The following KCNIP4 variants were observed in gnomAD, a reference collection of about 807,000 sequenced individuals.
KCNIP4 encodes potassium voltage-gated channel interacting protein 4, also known as Kv channel-interacting protein 4.
KCNIP4 carries 12 observed loss-of-function variants against 34.0 expected under a neutral mutation model. The observed-to-expected ratio is 0.35, with a 90% CI of 0.23 to 0.57. The LOEUF is 0.57. Among genes scored for constraint, KCNIP4 ranks in the 20% least tolerant of loss-of-function variants. The pLI, the probability that KCNIP4 is intolerant of heterozygous loss-of-function variation, is 0.83. For synonymous variants in KCNIP4, 124 were observed against 102.2 expected (o/e 1.21, Z -1.29); for missense variants, 238 against 311.7 (o/e 0.76, Z 1.78).
chr4:21,695,113 T>G (rs960521010), intron 1 of KCNIP4, among the ~76,000 whole-genome samples: 1 of 152,102 alleles, frequency 6.6e-6, no homozygotes, highest in Non-Finnish European at 1.5e-5. Flanking sequence ...CAACTCTGTT[T>G]CCTACTTCTT....
At chr4:20,764,709 A>ACACAC (rs1553892155) in intron 3 of KCNIP4, among the ~76,000 whole-genome samples, 8 of 92,528 alleles carry the variant, frequency 8.6e-5, no homozygotes, top group Non-Finnish European at 1.3e-4. Flanking sequence ...CACACACACA[A>ACACAC]CCCCATGAAC....
intron 1 of KCNIP4, among the ~76,000 whole-genome samples, chr4:21,765,063 A>G (rs1351471855): frequency 6.6e-6 from 1 of 152,036 alleles, no homozygotes; most frequent in Non-Finnish European, 1.5e-5. Flanking sequence ...GGGAGTATAC[A>G]CTGTGGCTAC....
At chr4:20,887,468 T>C (rs1725435318) in intron 1 of KCNIP4, among the ~76,000 whole-genome samples, 1 of 150,852 alleles carries the variant, frequency 6.6e-6, no homozygotes, top group African/African-American at 2.4e-5. Flanking sequence ...ATGCTGAAAA[T>C]CAAAAATGAA....
chr4:20,917,372 G>A (rs183822265), intron 1 of KCNIP4, among the ~76,000 whole-genome samples: 1 of 151,628 alleles, frequency 6.6e-6, no homozygotes, highest in East Asian at 2.0e-4. Flanking sequence ...CTCTTTTCCC[G>A]ACAGGGGTCA....
At chr4:20,982,926 G>A (rs1034340044) in intron 1 of KCNIP4, among the ~76,000 whole-genome samples, 2 of 152,156 alleles carry the variant, frequency 1.3e-5, no homozygotes, top group Non-Finnish European at 2.9e-5. Context: ...GTATCTCATG[G>A]ACGTCATTCT....
intron 1 of KCNIP4, among the ~76,000 whole-genome samples, chr4:20,965,097 T>G (rs1393550122): frequency 2.2e-4 from 33 of 152,184 alleles, no homozygotes; most frequent in Admixed American, 2.1e-3. Context: ...GGGATTTGCC[T>G]CTATTCTTTC....
chr4:20,731,421 T>G, intron 8 of KCNIP4: 3 of 985,348 alleles, frequency 3.0e-6, no homozygotes, highest in Non-Finnish European at 3.6e-6. Flanking sequence ...GTCAAATAAT[T>G]CTAAGTAAGC....
intron 1 of KCNIP4, among the ~76,000 whole-genome samples, chr4:21,266,294 T>G (rs1034377465): frequency 2.6e-5 from 4 of 152,208 alleles, no homozygotes; most frequent in African/African-American, 9.6e-5. Flanking sequence ...ATAGTCATTT[T>G]TGCACAAATT....
intron 1 of KCNIP4, among the ~76,000 whole-genome samples, chr4:21,218,741 T>C (rs1388705244): frequency 2.6e-5 from 4 of 152,206 alleles, no homozygotes; most frequent in Admixed American, 2.6e-4. Flanking sequence ...TGCAAAGCTA[T>C]GGGCTCATCC....
chr4:20,980,061 T>G (rs1315009946), intron 1 of KCNIP4, among the ~76,000 whole-genome samples: 3 of 152,166 alleles, frequency 2.0e-5, no homozygotes, highest in African/African-American at 7.2e-5. Flanking sequence ...TACGACTAGT[T>G]TTTCTTCTCC....
chr4:21,182,411 T>TTCCCTCCC (rs3080786), intron 1 of KCNIP4, among the ~76,000 whole-genome samples: 23,493 of 150,542 alleles, frequency 0.16, 2,012 homozygotes, highest in African/African-American at 0.22. Flanking sequence ...TTTTCCTCTT[T>TTCCCTCCC]TCCCTCCCCC....
chr4:21,248,734 C>T (rs1760471330), intron 1 of KCNIP4, among the ~76,000 whole-genome samples: 1 of 152,092 alleles, frequency 6.6e-6, no homozygotes, highest in Non-Finnish European at 1.5e-5. Flanking sequence ...AATGTGGGAC[C>T]AGAGCAGTAT....
At chr4:21,777,409 TCAC>T (rs1719255056) in intron 1 of KCNIP4, among the ~76,000 whole-genome samples, 1 of 152,206 alleles carries the variant, frequency 6.6e-6, no homozygotes, top group Admixed American at 6.5e-5. Flanking sequence ...TATACAATAA[TCAC>T]TAAAGCACCT....
chr4:20,906,856 G>A (rs967988158), intron 1 of KCNIP4, among the ~76,000 whole-genome samples: 7 of 152,204 alleles, frequency 4.6e-5, no homozygotes, highest in Admixed American at 6.5e-5. Context: ...TCTGAACTGA[G>A]TATCTGGGAA....
chr4:21,190,776 A>G (rs1457165891), intron 1 of KCNIP4, among the ~76,000 whole-genome samples: 1 of 152,238 alleles, frequency 6.6e-6, no homozygotes, highest in East Asian at 1.9e-4. Context: ...AAATCTATTT[A>G]CATATTCTTC....
intron 1 of KCNIP4, among the ~76,000 whole-genome samples, chr4:20,890,680 T>C (rs550886522): frequency 6.6e-6 from 1 of 152,268 alleles, no homozygotes; most frequent in South Asian, 2.1e-4. Flanking sequence ...ACCAAACTAC[T>C]AGTATACTAG....
At chr4:21,502,534 T>C (rs1405369440) in intron 1 of KCNIP4, among the ~76,000 whole-genome samples, 1 of 152,162 alleles carries the variant, frequency 6.6e-6, no homozygotes, top group African/African-American at 2.4e-5. Flanking sequence ...AATTTATTTT[T>C]TTTCTCAGAT....
chr4:20,992,399 C>T (rs1737156571), intron 1 of KCNIP4, among the ~76,000 whole-genome samples: 1 of 152,152 alleles, frequency 6.6e-6, no homozygotes, highest in Admixed American at 6.5e-5. Flanking sequence ...CAATTACCTC[C>T]ACCTGGTCCC....
At chr4:21,267,925 T>C (rs1009815183) in intron 1 of KCNIP4, among the ~76,000 whole-genome samples, 7 of 151,832 alleles carry the variant, frequency 4.6e-5, no homozygotes, top group African/African-American at 1.7e-4. Flanking sequence ...GAAGGAATGG[T>C]ACCAGTTCCT....
Sources: gnomAD v4.1 joint callset for allele counts (sites outside exome capture counted in the v4.1 genomes callset) on GRCh38, gnomAD v4.1.1 for gene constraint, MANE v1.5 for transcripts, NCBI Gene and HGNC (gene_info 2026-07-23, HGNC 2026-07-21) for gene names.